Variants in SLC25A16 observed in about 807,000 individuals in gnomAD.
SLC25A16 encodes mitochondrial coenzyme A transporter SLC25A16.
In SLC25A16, 39 loss-of-function variants were observed where a neutral mutation model predicts 41.5. The observed-to-expected ratio is 0.94, with a 90% confidence interval of 0.73 to 1.23. The LOEUF is 1.23. Among genes scored for constraint, SLC25A16 ranks in the 50% most tolerant of loss-of-function variants. The pLI is 0.00. For missense variants in SLC25A16, 421 were observed against 426.9 expected (o/e 0.99, Z 0.12); for synonymous variants, 146 against 147.8 (o/e 0.99, Z 0.09).
intron 6 of SLC25A16, 29 bp from the exon 7 acceptor site, chr10:68,488,658 A>G (rs758562707): frequency 6.4e-7 from 1 of 1,565,080 alleles, no homozygotes; most frequent in Admixed American, 1.7e-5. Flanking sequence ...ATTCACCATG[A>G]TGCTTAACAT....
At chr10:68,512,499 C>A (rs1483823186) in intron 2 of SLC25A16, among the ~76,000 whole-genome samples, 1 of 129,124 alleles carries the variant, frequency 7.7e-6, no homozygotes, top group Admixed American at 8.2e-5. Flanking sequence ...ATTAGCCGGG[C>A]GTAGTGGCGG....
At chr10:68,498,751 T>A (rs1381794175) in intron 4 of SLC25A16, among the ~76,000 whole-genome samples, 1 of 152,168 alleles carries the variant, frequency 6.6e-6, no homozygotes, top group Non-Finnish European at 1.5e-5. Flanking sequence ...CTCTTTGAGA[T>A]CCTCAAAGTA....
At chr10:68,489,623 C>A (rs953462297) in intron 6 of SLC25A16, among the ~76,000 whole-genome samples, 3 of 151,972 alleles carry the variant, frequency 2.0e-5, no homozygotes, top group African/African-American at 7.2e-5. Flanking sequence ...ATTGAATTGG[C>A]CAGGCGCGGT....
At chr10:68,523,016 A>G (rs2133603946) in intron 1 of SLC25A16, among the ~76,000 whole-genome samples, 1 of 152,162 alleles carries the variant, frequency 6.6e-6, no homozygotes. Context: ...TTTTGGAACT[A>G]CTCTATATCT....
chr10:68,523,547 A>AC (rs768312840), intron 1 of SLC25A16, among the ~76,000 whole-genome samples: 9 of 152,030 alleles, frequency 5.9e-5, no homozygotes, highest in Non-Finnish European at 1.2e-4. Context: ...ATCTTGTCTC[A>AC]CAACAACCTC....
intron 1 of SLC25A16, among the ~76,000 whole-genome samples, chr10:68,519,156 C>T (rs769545957): frequency 5.0e-4 from 76 of 151,816 alleles, no homozygotes; most frequent in Non-Finnish European, 9.1e-4. Context: ...CACACCATTG[C>T]ACTCTAGCCT....
Position 68,525,423 on chromosome 10 carries a change from A to T in SLC25A16, c.130+1823T>A, listed in dbSNP as rs149992686. ...AGTGCTGGGATTACAGGCGTGAGCCACCCTGCCCAGCGAATTTTTATTGTT... is the reference window on the plus strand; with the variant it reads ...AGTGCTGGGATTACAGGCGTGAGCCTCCCTGCCCAGCGAATTTTTATTGTT... On this transcript the variant is annotated intron_variant, in intron 1 of 8. Coordinates refer to ENST00000609923, the MANE Select transcript of SLC25A16 (RefSeq NM_152707.4). 3.6e-3 allele frequency among the ~76,000 whole-genome samples: 543 copies of T among 152,236 alleles called. 4 individuals are homozygous for T. Among genetic ancestry groups the T allele is most frequent in the African/African-American group, 0.012 (519 of 41,548 alleles).
intron 1 of SLC25A16, among the ~76,000 whole-genome samples, chr10:68,526,440 G>A (rs1429373424): frequency 1.3e-5 from 2 of 152,152 alleles, no homozygotes; most frequent in East Asian, 1.9e-4. Context: ...CCCCCTCTTC[G>A]AGAAACACCC....
In SLC25A16 at chr10:68,479,184, A is replaced by C. The variant is rs1186180183; in HGVS notation, c.*4248T>G. ...TATTTGTGCTTCATTTCTGCCTGCT[A>C]GAACATAAAGTCTTCAAAAACAGGG... is the stretch of plus-strand genomic sequence containing the variant. On this transcript the variant is annotated 3_prime_UTR_variant, in exon 9 of 9. Transcript: ENST00000609923. The C allele has an allele frequency of 6.6e-6, 1 of 152,196 alleles. No individual in the cohort carries two copies. Among genetic ancestry groups the C allele is most frequent in the African/African-American group, 2.4e-5 (1 of 41,456 alleles). The allele number at this position is 152,196 out of a possible 1,614,324, so 9.4% of individuals were successfully genotyped here. A position where few individuals can be genotyped will look rare whatever the true frequency, so the allele number is the denominator to read the frequency against.
At chr10:68,498,916 C>A (rs2052795279) in intron 4 of SLC25A16, among the ~76,000 whole-genome samples, 1 of 152,138 alleles carries the variant, frequency 6.6e-6, no homozygotes. Context: ...ATATTCCCTA[C>A]ATTACAAATG....
intron 6 of SLC25A16, among the ~76,000 whole-genome samples, chr10:68,490,132 C>T (rs184734562): frequency 5.5e-4 from 84 of 151,996 alleles, no homozygotes; most frequent in Middle Eastern, 6.8e-3. Flanking sequence ...TGCAGTGTTA[C>T]GTGTCTGCAG....
chr10:68,499,872 C>T (rs1160945624), intron 4 of SLC25A16: 9 of 545,778 alleles, frequency 1.6e-5, no homozygotes, highest in African/African-American at 7.7e-5. Context: ...TGAACAAAGA[C>T]GGCAAAAAGA....
chr10:68,490,688 G>GA lies in SLC25A16; in HGVS notation c.611-2060dup, dbSNP rs913723858. Among the ~76,000 whole-genome samples, 189 of 141,524 alleles carry GA rather than the reference G, an allele frequency of 1.3e-3. 1 individual carries two copies. The East Asian group carries it at 0.02, about 15-fold the overall frequency. The allele number at this position is 141,524 out of a possible 152,430, so 92.8% of individuals were successfully genotyped here. A position where few individuals can be genotyped will look rare whatever the true frequency, so the allele number is the denominator to read the frequency against. ...ATGGTGCCAAGTCAAAAGTGAAGGG[G>GA]AAAAAAAAAAACTTCCTTAACAAAG... is the stretch of plus-strand genomic sequence containing the variant. On this transcript the variant is annotated intron_variant, in intron 6 of 8. Coordinates refer to ENST00000609923, the MANE Select transcript of SLC25A16 (RefSeq NM_152707.4).
intron 6 of SLC25A16, among the ~76,000 whole-genome samples, 159 bp downstream of exon 6, chr10:68,492,973 C>T (rs894076109): frequency 4.7e-5 from 7 of 150,224 alleles, no homozygotes; most frequent in African/African-American, 1.7e-4. Flanking sequence ...GAATAGTCAT[C>T]TTTATATCCA....
intron 1 of SLC25A16, among the ~76,000 whole-genome samples, chr10:68,519,254 C>A (rs371985770): frequency 6.6e-6 from 1 of 151,846 alleles, no homozygotes; most frequent in Non-Finnish European, 1.5e-5. Context: ...TTTGGGAGGC[C>A]GAGGTGGGTG....
rs778526468 is a variant in SLC25A16, at chr10:68,515,806, AAAT to A, written c.223+942_223+944del. 1.1e-4 allele frequency among the ~76,000 whole-genome samples: 11 copies of A among 103,032 alleles called. No homozygotes were observed. In the South Asian group the frequency reaches 2.9e-3, roughly 27 times the overall value. 67.6% of individuals were successfully genotyped at this position (103,032 alleles called of 152,430 possible). ...AGAGCGAAACTCTGCCTCAAAAAATAAATAAATAAATAAATAAATAGTAAAAAA... is the reference window on the plus strand; with the variant it reads ...AGAGCGAAACTCTGCCTCAAAAAATAAAATAAATAAATAAATAGTAAAAAA... On this transcript the variant is annotated intron_variant, in intron 2 of 8. Transcript: ENST00000609923.
At position 68,493,143 on chromosome 10, in the gene SLC25A16, G is replaced by A. The variant is rs751831664; in HGVS notation, c.599C>T (p.Ala200Val). The change falls in exon 6 of 9, where the codon GCT (alanine) becomes GTT (valine). Residue 200 changes from alanine to valine, a missense_variant. By Grantham distance (64) the Ala-to-Val change is moderately conservative (BLOSUM62 0). Transcript: ENST00000609923. Reference sequence around the variant, plus strand: ...AATTTGAAACATACCTGCATATGGAGCCATTCCTAAAATAGTAGGCATCAG... The same window carrying A: ...AATTTGAAACATACCTGCATATGGAACCATTCCTAAAATAGTAGGCATCAG... ...RGLMPTILGM[A>V]PYAGVSFFTF... The A allele has an allele frequency of 5.0e-6, 8 of 1,588,168 alleles. No homozygotes were observed. The South Asian group carries it at 8.1e-5, about 16-fold the overall frequency.
At chr10:68,522,068 C>T (rs2053259598) in intron 1 of SLC25A16, among the ~76,000 whole-genome samples, 2 of 151,322 alleles carry the variant, frequency 1.3e-5, no homozygotes, top group Admixed American at 6.6e-5. Flanking sequence ...GAGGTTGAGG[C>T]GGTAAAATCG....
intron 1 of SLC25A16, among the ~76,000 whole-genome samples, chr10:68,523,369 A>C (rs542497492): frequency 2.0e-4 from 30 of 152,288 alleles, no homozygotes; most frequent in African/African-American, 7.0e-4. Flanking sequence ...CTGAGAATAG[A>C]GGCCTGAACC....
Sources: gnomAD v4.1 joint callset for allele counts (sites outside exome capture counted in the v4.1 genomes callset) on GRCh38, gnomAD v4.1.1 for gene constraint, MANE v1.5 for transcripts, NCBI Gene and HGNC (gene_info 2026-07-23, HGNC 2026-07-21) for gene names.